ZNF324B: variants seen among roughly 807,000 people sequenced by gnomAD.
ZNF324B encodes zinc finger protein 324B.
ZNF324B carries 7 observed loss-of-function variants against 10.6 expected under a neutral mutation model. That is an observed-to-expected ratio of 0.66 (90% CI 0.38 to 1.24). ZNF324B has a LOEUF of 1.24. ZNF324B is among the 50% of genes most tolerant of loss of function. The probability of loss-of-function intolerance (pLI) is 0.02; values close to 1 mark genes in which losing one functional copy is unlikely to be tolerated. For synonymous variants in ZNF324B, 316 were observed against 321.0 expected (o/e 0.98, Z 0.17); for missense variants, 640 against 764.7 (o/e 0.84, Z 1.92).
the ZNF324B span, among the ~76,000 whole-genome samples, chr19:58,436,661 C>A: frequency 3.1e-5 from 4 of 127,726 alleles, no homozygotes; most frequent in Admixed American, 3.5e-4. Context: ...GAGCAAGACT[C>A]CATCTCAAAA....
the ZNF324B span, among the ~76,000 whole-genome samples, chr19:58,438,765 G>A: frequency 7.0e-6 from 1 of 142,456 alleles, no homozygotes; most frequent in Admixed American, 7.1e-5. Flanking sequence ...GAGCCACCAC[G>A]CCCGGCAATT....
chr19:58,456,171 C>T lies in ZNF324B; in HGVS notation c.1227C>T (p.Gly409=). Residue 409 remains glycine, a synonymous_variant, in exon 4 of 4, where the codon GGC becomes GGT. Transcript: ENST00000336614. This position sits in a 1 kb window ranked among gnomAD's most constrained non-coding sequence, Gnocchi z 4.7. ...TCTGCGGTGCTGCCTTCAGCCAGGG[C>T]TCCTCGCTCTTTTTGCACCAGCGCG... ...CALCGAAFSQ[G]SSLFLHQRVH... The T allele has an allele frequency of 6.2e-7, 1 of 1,613,290 alleles. No homozygotes were observed. The highest frequency in any genetic ancestry group is 8.5e-7 in the Non-Finnish European group (1 of 1,179,764).
At chr19:58,440,902 C>T in the ZNF324B span, 3 of 152,316 alleles carry the variant, frequency 2.0e-5, no homozygotes, top group Non-Finnish European at 4.4e-5. Flanking sequence ...CTCCTGGCAC[C>T]CACTCCGCTG....
At chr19:58,425,980 G>A in the ZNF324B span, among the ~76,000 whole-genome samples, 2 of 152,156 alleles carry the variant, frequency 1.3e-5, no homozygotes, top group African/African-American at 4.8e-5. Flanking sequence ...TTCTTTCTTA[G>A]ATCACCTTCT....
At chr19:58,447,448 T>C (rs1384852552), upstream of ZNF324B, among the ~76,000 whole-genome samples, 1 of 152,220 alleles carries the variant, frequency 6.6e-6, no homozygotes, top group Admixed American at 6.5e-5. Context: ...GCCCAATTCA[T>C]TAAGAATGTT....
the ZNF324B span, chr19:58,433,011 G>GCCTAACCCTCTC: frequency 3.1e-6 from 1 of 320,440 alleles, no homozygotes; most frequent in Non-Finnish European, 5.6e-6. Context: ...CGGTTCAGCT[G>GCCTAACCCTCTC]AGCACAGTCC....
chr19:58,449,077 C>T (rs185973850), upstream of ZNF324B, among the ~76,000 whole-genome samples: 15 of 152,272 alleles, frequency 9.9e-5, no homozygotes, highest in African/African-American at 3.6e-4. Flanking sequence ...TGTGTGCAGC[C>T]TACAGACTTG....
upstream of ZNF324B, among the ~76,000 whole-genome samples, chr19:58,450,464 C>CAAAAAAAAAAAAAAAAAAAAAAAAAAAA (rs35336344): frequency 9.5e-6 from 1 of 104,884 alleles, no homozygotes; most frequent in Non-Finnish European, 1.9e-5. Flanking sequence ...GACCCTGTCT[C>CAAAAAAAAAAAAAAAAAAAAAAAAAAAA]AAAAAAAAAA....
the ZNF324B span, among the ~76,000 whole-genome samples, chr19:58,436,484 G>A: frequency 6.6e-6 from 1 of 151,884 alleles, no homozygotes; most frequent in Non-Finnish European, 1.5e-5. Context: ...GGCTAACATG[G>A]TGAAACCCCC....
the ZNF324B span, chr19:58,437,097 T>TG: frequency 6.2e-7 from 1 of 1,614,114 alleles, no homozygotes; most frequent in Non-Finnish European, 8.5e-7. Context: ...GTGGTACAGG[T>TG]GCCTCTGGGC....
At chr19:58,437,726 C>G in the ZNF324B span, 1 of 985,286 alleles carries the variant, frequency 1.0e-6, no homozygotes, top group Non-Finnish European at 1.2e-6. Context: ...CATGGCATAC[C>G]TGACAGATGC....
chr19:58,451,829 AGGCAGC>A (rs1425669054), intron 1 of ZNF324B, 125 bp downstream of exon 1: 5 of 292,426 alleles, frequency 1.7e-5, no homozygotes, highest in Non-Finnish European at 2.7e-5. Context: ...GAAGCCCAGG[AGGCAGC>A]GCATTGGGCA....
the ZNF324B span, among the ~76,000 whole-genome samples, chr19:58,439,268 C>T: frequency 6.6e-6 from 1 of 152,194 alleles, no homozygotes; most frequent in Non-Finnish European, 1.5e-5. Context: ...CACCATCCCT[C>T]CAGTCTGCTG....
rs1464847459 is a variant in ZNF324B, at chr19:58,456,049, T to C, written c.1105T>C (p.Tyr369His). ...CAAGATCCACGCGGGTGGGCGTCCT[T>C]ATGCTTGCGCACAGTGTGGCCGCCG... Reference protein sequence around the residue: ...HRKIHAGGRPYACAQCGRRFC... With the variant: ...HRKIHAGGRPHACAQCGRRFC... The change falls in exon 4 of 4, where the codon TAT (tyrosine) becomes CAT (histidine). Residue 369 changes from tyrosine to histidine, a missense_variant. Physicochemically the swap from Tyr to His is moderately conservative, Grantham distance 83. Transcript: ENST00000336614. The surrounding 1 kb of genome is among the most constrained non-coding windows in gnomAD (Gnocchi z 4.7). 1.2e-6 allele frequency: 2 copies of C among 1,609,200 alleles called. No individual in the cohort carries two copies. The highest frequency in any genetic ancestry group is 1.7e-6 in the Non-Finnish European group (2 of 1,178,738).
chr19:58,446,738 G>A (rs144316490), upstream of ZNF324B, among the ~76,000 whole-genome samples: 934 of 151,352 alleles, frequency 6.2e-3, 14 homozygotes, highest in African/African-American at 0.022. Context: ...CACCTCGCCC[G>A]GCTAATTTTT....
the ZNF324B span, chr19:58,436,306 A>G: frequency 6.5e-6 from 1 of 154,054 alleles, no homozygotes; most frequent in East Asian, 1.9e-4. Flanking sequence ...ACATATAGAA[A>G]TCACTAGACT....
chr19:58,433,177 TG>T, the ZNF324B span: 1 of 836,514 alleles, frequency 1.2e-6, no homozygotes, highest in Non-Finnish European at 1.8e-6. Context: ...CAAAGGTTCC[TG>T]GGCTGGTCAG....
At chr19:58,438,472 ATTT>A in the ZNF324B span, among the ~76,000 whole-genome samples, 5 of 129,804 alleles carry the variant, frequency 3.9e-5, no homozygotes, top group Non-Finnish European at 3.2e-5. Context: ...TCTAAGGTCA[ATTT>A]TTTTTTTTTT....
chr19:58,445,302 G>C, the ZNF324B span: 2 of 454,806 alleles, frequency 4.4e-6, no homozygotes, highest in Non-Finnish European at 8.5e-6. Flanking sequence ...GCAATTTACA[G>C]CATTGTGAGT....
Sources: allele counts gnomAD v4.1 joint callset (sites outside exome capture counted in the v4.1 genomes callset), GRCh38; gene constraint gnomAD v4.1.1; non-coding constraint Gnocchi (gnomAD v3.1); transcripts MANE v1.5; gene names NCBI Gene and HGNC (gene_info 2026-07-23, HGNC 2026-07-21).